Variants in DSCAM observed in about 807,000 individuals in gnomAD.
The protein encoded by DSCAM is DS cell adhesion molecule, also known as cell adhesion molecule DSCAM.
A neutral mutation model predicts 217.7 loss-of-function variants in DSCAM; 47 were observed. That is an observed-to-expected ratio of 0.22 (90% confidence interval 0.17 to 0.28). The LOEUF (loss-of-function observed/expected upper bound fraction) is 0.28, where lower values mean the gene tolerates loss of function less well. DSCAM is among the 10% of genes least tolerant of loss of function. The pLI is 1.00. For synonymous variants in DSCAM, 1,056 were observed against 1,015.3 expected (o/e 1.04, Z -0.76); for missense variants, 2,080 against 2,618.3 (o/e 0.79, Z 4.49).
intron 1 of DSCAM, among the ~76,000 whole-genome samples, chr21:40,736,762 TTC>T (rs1253814119): frequency 6.6e-6 from 1 of 152,238 alleles, no homozygotes; most frequent in Non-Finnish European, 1.5e-5. Context: ...AAGCCCAAGC[TTC>T]TTTCTTCTAT....
intron 18 of DSCAM, among the ~76,000 whole-genome samples, chr21:40,137,442 T>C (rs1331428420): frequency 6.6e-6 from 1 of 152,104 alleles, no homozygotes; most frequent in East Asian, 1.9e-4. Flanking sequence ...ACTAGGTGAC[T>C]AGCAGATATG....
At chr21:40,816,995 C>T (rs1008197251) in intron 1 of DSCAM, among the ~76,000 whole-genome samples, 14 of 152,146 alleles carry the variant, frequency 9.2e-5, no homozygotes, top group East Asian at 3.9e-4. Context: ...TTTAAAATCA[C>T]GCCATTCACC....
At chr21:40,457,750 C>A (rs534990184) in intron 3 of DSCAM, among the ~76,000 whole-genome samples, 1 of 152,140 alleles carries the variant, frequency 6.6e-6, no homozygotes, top group East Asian at 1.9e-4. Flanking sequence ...GCTACATATG[C>A]CTCCCTTTGG....
At chr21:40,068,784 G>C (rs2089247526) in intron 27 of DSCAM, among the ~76,000 whole-genome samples, 1 of 152,122 alleles carries the variant, frequency 6.6e-6, no homozygotes, top group African/African-American at 2.4e-5. Context: ...CAGTTTTCAC[G>C]TCAGAAAATG....
At chr21:40,683,711 G>A (rs1445766855) in intron 3 of DSCAM, among the ~76,000 whole-genome samples, 2 of 152,112 alleles carry the variant, frequency 1.3e-5, no homozygotes, top group Admixed American at 6.5e-5. Context: ...GGGAGAGAAC[G>A]TGGGGCTGAG....
At chr21:40,213,670 G>A (rs1044382870) in intron 11 of DSCAM, among the ~76,000 whole-genome samples, 1 of 152,206 alleles carries the variant, frequency 6.6e-6, no homozygotes, top group African/African-American at 2.4e-5. Context: ...GATGGAGTGG[G>A]TGAGAAGCTA....
rs984718660 is a variant in DSCAM at position 40,306,192 on chromosome 21, CT to C, written c.2062+5888del. Among the ~76,000 whole-genome samples the C allele has an allele frequency of 8.4e-4, 125 of 148,334 alleles. 3 individuals are homozygous for C. Among genetic ancestry groups the C allele is most frequent in the African/African-American group, 3.1e-3 (121 of 38,662 alleles). The stretch of plus-strand genomic sequence containing the variant: ...AAGTTGGATTCCTAGGTATTTTATT[CT>C]CTTTGAAGCAATTGTGAATGGGAGT... On this transcript the variant is annotated intron_variant, in intron 9 of 32. Transcript: ENST00000400454.
At chr21:40,326,928 GTATATTTATATTTGTGTTT>G (rs1017776440) in intron 8 of DSCAM, among the ~76,000 whole-genome samples, 6 of 148,846 alleles carry the variant, frequency 4.0e-5, no homozygotes, top group African/African-American at 1.5e-4. Context: ...ATAACTATAT[GTATATTTATATTTGTGTTT>G]TATATTTATA....
intron 1 of DSCAM, among the ~76,000 whole-genome samples, chr21:40,738,163 C>T (rs1369150335): frequency 6.6e-6 from 1 of 152,176 alleles, no homozygotes; most frequent in African/African-American, 2.4e-5. Context: ...TGATATTTTA[C>T]ATCAGAAGAA....
chr21:40,497,747 T>C (rs1469953944), intron 3 of DSCAM, among the ~76,000 whole-genome samples: 1 of 152,232 alleles, frequency 6.6e-6, no homozygotes, highest in Non-Finnish European at 1.5e-5. Flanking sequence ...CATTTATTTG[T>C]CAATATACAA....
chr21:40,085,486 G>T, intron 23 of DSCAM, 116 bp downstream of exon 23: 1 of 925,352 alleles, frequency 1.1e-6, no homozygotes, highest in Non-Finnish European at 1.5e-6. Flanking sequence ...TCTGTAATAT[G>T]GAAACAGAAG....
intron 30 of DSCAM, among the ~76,000 whole-genome samples, chr21:40,046,303 T>G (rs1451154050): frequency 6.6e-6 from 1 of 152,208 alleles, no homozygotes; most frequent in Non-Finnish European, 1.5e-5. Context: ...GCCAAAGAGA[T>G]AGATTTTAAG....
At chr21:40,385,093 C>T (rs1438613797) in intron 3 of DSCAM, 1 of 152,078 alleles carries the variant, frequency 6.6e-6, no homozygotes, top group Non-Finnish European at 1.5e-5. Context: ...TATTTTATTA[C>T]ACACACACTC....
At chr21:40,320,533 C>G (rs2074247923) in intron 8 of DSCAM, among the ~76,000 whole-genome samples, 1 of 152,076 alleles carries the variant, frequency 6.6e-6, no homozygotes, top group Non-Finnish European at 1.5e-5. Context: ...CTGTGTTAGT[C>G]CATTTTCATG....
intron 11 of DSCAM, among the ~76,000 whole-genome samples, chr21:40,197,765 CAT>C (rs768335944): frequency 2.0e-5 from 3 of 152,164 alleles, no homozygotes; most frequent in African/African-American, 4.8e-5. Context: ...TGCAGCAACA[CAT>C]GTGTTTCTCA....
chr21:40,281,272 CA>C (rs1171206720), intron 10 of DSCAM, among the ~76,000 whole-genome samples: 5 of 152,146 alleles, frequency 3.3e-5, no homozygotes, highest in Non-Finnish European at 7.4e-5. Context: ...ATGGTAGAAG[CA>C]CTGAAGTTCT....
chr21:40,488,684 G>C (rs961468023), intron 3 of DSCAM, among the ~76,000 whole-genome samples: 1 of 152,116 alleles, frequency 6.6e-6, no homozygotes, highest in African/African-American at 2.4e-5. Context: ...ACCTGGGAGG[G>C]ATATTATAGC....
chr21:40,588,347 A>C (rs907425873), intron 3 of DSCAM, among the ~76,000 whole-genome samples: 4 of 152,212 alleles, frequency 2.6e-5, no homozygotes, highest in African/African-American at 9.6e-5. Flanking sequence ...GGAAAAAATT[A>C]CTTTGTGAAT....
intron 10 of DSCAM, among the ~76,000 whole-genome samples, chr21:40,291,793 T>G (rs948996732): frequency 6.6e-6 from 1 of 152,220 alleles, no homozygotes; most frequent in Non-Finnish European, 1.5e-5. Flanking sequence ...CTGACTCTTC[T>G]TTTTGGACAT....
Sources: allele counts gnomAD v4.1 joint callset (sites outside exome capture counted in the v4.1 genomes callset), GRCh38; gene constraint gnomAD v4.1.1; transcripts MANE v1.5; gene names NCBI Gene and HGNC (gene_info 2026-07-23, HGNC 2026-07-21).